Variants in PAX8 observed in about 807,000 individuals in gnomAD.
The protein encoded by PAX8 is paired box 8.
A neutral mutation model predicts 52.4 loss-of-function variants in PAX8; 15 were observed. The observed-to-expected ratio is 0.29, with a 90% CI of 0.19 to 0.44. The LOEUF (loss-of-function observed/expected upper bound fraction) is 0.44, where lower values mean the gene tolerates loss of function less well. PAX8 is among the 20% of genes least tolerant of loss of function. The pLI, the probability that PAX8 is intolerant of heterozygous loss-of-function variation, is 1.00. For synonymous variants in PAX8, 284 were observed against 249.7 expected (o/e 1.14, Z -1.29); for missense variants, 554 against 602.5 (o/e 0.92, Z 0.84).
chr2:113,272,826 C>A (rs1210730376), intron 2 of PAX8: 1 of 152,158 alleles, frequency 6.6e-6, no homozygotes, highest in Non-Finnish European at 1.5e-5. Context: ...GAGAAGATAA[C>A]GTGAGGGCAT....
intron 2 of PAX8, chr2:113,275,040 G>A (rs1693704125): frequency 6.6e-6 from 1 of 152,056 alleles, no homozygotes; most frequent in Non-Finnish European, 1.5e-5. Context: ...TTTTTATTTG[G>A]TTTCCTTCAC....
intron 11 of PAX8, among the ~76,000 whole-genome samples, chr2:113,218,999 G>T (rs1233960145): frequency 3.3e-5 from 5 of 152,204 alleles, no homozygotes; most frequent in African/African-American, 1.2e-4. Flanking sequence ...TCTTTCTTAA[G>T]ACCCAGGGAG....
chr2:113,259,505 TG>T (rs1364706088), intron 2 of PAX8: 2 of 152,756 alleles, frequency 1.3e-5, no homozygotes, highest in African/African-American at 4.8e-5. Context: ...AGGCGTGCTT[TG>T]CAGTGGGTAG....
intron 7 of PAX8, 72 bp downstream of exon 7, chr2:113,241,479 A>G: frequency 6.9e-7 from 1 of 1,441,420 alleles, no homozygotes; most frequent in Non-Finnish European, 9.5e-7. Flanking sequence ...GATGGAGCAC[A>G]GGCTCATTTG....
intron 10 of PAX8, chr2:113,226,464 G>T: frequency 2.0e-6 from 2 of 988,382 alleles, no homozygotes; most frequent in Non-Finnish European, 2.4e-6. Flanking sequence ...TTGTCATCTT[G>T]AATCATCATT....
chr2:113,236,625 G>A lies in PAX8; in HGVS notation c.874C>T (p.His292Tyr), dbSNP rs1040291767. ...NTPLGRNLSTHQTYPVVADPH... is the reference protein window; with the variant it reads ...NTPLGRNLSTYQTYPVVADPH... Reference sequence around the variant, plus strand: ...CCTGCCACCACGGGGTAGGTCTGGTGAGTCGAGAGGTTGCGCCCCAGTGGC... The same window carrying A: ...CCTGCCACCACGGGGTAGGTCTGGTAAGTCGAGAGGTTGCGCCCCAGTGGC... The change falls in exon 8 of 12, where the codon CAC becomes TAC. Residue 292 changes from histidine to tyrosine, a missense_variant. Transcript: ENST00000429538. 1 of 1,590,068 alleles carries A rather than the reference G, an allele frequency of 6.3e-7. No homozygotes were observed. The highest frequency in any genetic ancestry group is 8.6e-7 in the Non-Finnish European group (1 of 1,168,922).
chr2:113,249,531 C>G (rs537210981), intron 2 of PAX8, among the ~76,000 whole-genome samples: 20 of 152,020 alleles, frequency 1.3e-4, no homozygotes, highest in African/African-American at 4.1e-4. Flanking sequence ...AAATGTGAAG[C>G]AGGTTTAAAA....
intron 10 of PAX8, among the ~76,000 whole-genome samples, chr2:113,221,011 C>T (rs751005461): frequency 3.9e-5 from 6 of 152,140 alleles, no homozygotes; most frequent in African/African-American, 9.7e-5. Context: ...CAGCTACTAC[C>T]GGTGCTTGGT....
intron 2 of PAX8, chr2:113,269,260 G>A (rs2104594390): frequency 6.6e-6 from 1 of 152,386 alleles, no homozygotes; most frequent in Non-Finnish European, 1.5e-5. Flanking sequence ...CCCCAGTGTA[G>A]ACCGTCATGG....
chr2:113,245,209 G>T (rs1378930508), intron 3 of PAX8, among the ~76,000 whole-genome samples: 1 of 151,956 alleles, frequency 6.6e-6, no homozygotes, highest in African/African-American at 2.4e-5. Flanking sequence ...ACCACACCCG[G>T]CTAATTTTTG....
At chr2:113,272,379 C>A (rs555851912) in intron 2 of PAX8, 1 of 152,148 alleles carries the variant, frequency 6.6e-6, no homozygotes, top group African/African-American at 2.4e-5. Flanking sequence ...ATCTGGCCAA[C>A]GAAGGGGTCT....
chr2:113,236,394 C>A (rs1311505543), intron 8 of PAX8: 2 of 439,284 alleles, frequency 4.6e-6, no homozygotes, highest in Non-Finnish European at 4.0e-6. Flanking sequence ...ACCTTGAGGC[C>A]CGGCCTAGGA....
At chr2:113,233,929 GTCTGAC>G (rs1690072546) in intron 9 of PAX8, among the ~76,000 whole-genome samples, 1 of 152,202 alleles carries the variant, frequency 6.6e-6, no homozygotes, top group African/African-American at 2.4e-5. Flanking sequence ...CAGATGGACT[GTCTGAC>G]TCTGGGCTGC....
intron 2 of PAX8, chr2:113,275,202 A>G (rs963138139): frequency 3.9e-5 from 6 of 152,224 alleles, no homozygotes; most frequent in African/African-American, 1.4e-4. Context: ...ACTTCTTATC[A>G]ATCAGTGGGG....
In PAX8 at chr2:113,235,489, T is replaced by C. The variant is rs772564615; in HGVS notation, c.992A>G (p.Asp331Gly). ...GACCCCGGAGCCGACTTGCTGCAGA[T>C]CCAAAAAGGCGGAGCTAGATAAAGA... ...PSSLSSSAFL[D>G]LQQVGSGVPP... Residue 331 changes from aspartate to glycine, a missense_variant, in exon 9 of 12, where the codon GAT becomes GGT. Asp to Gly is a moderately conservative substitution (Grantham distance 94). This residue lies in a region of PAX8 where 445 missense variants were observed against 409.9 expected (regional missense o/e 1.09). Coordinates refer to ENST00000429538, the MANE Select transcript of PAX8 (RefSeq NM_003466.4). 6.2e-7 allele frequency: 1 copy of C among 1,613,662 alleles called. No homozygotes were observed. The highest frequency in any genetic ancestry group is 1.1e-5 in the South Asian group (1 of 91,048).
chr2:113,260,850 G>GCCCTAA (rs1692614590), intron 2 of PAX8, among the ~76,000 whole-genome samples: 1 of 151,272 alleles, frequency 6.6e-6, no homozygotes, highest in Non-Finnish European at 1.5e-5. Context: ...ATTAGGGCAC[G>GCCCTAA]TTTAGAGAGA....
intron 2 of PAX8, among the ~76,000 whole-genome samples, chr2:113,264,376 C>T (rs564388803): frequency 6.6e-6 from 1 of 152,346 alleles, no homozygotes; most frequent in South Asian, 2.1e-4. Context: ...TTCTCAGTTC[C>T]CTCATTGCCA....
At chr2:113,256,870 A>C (rs894113818) in intron 2 of PAX8, among the ~76,000 whole-genome samples, 3 of 152,136 alleles carry the variant, frequency 2.0e-5, no homozygotes, top group African/African-American at 7.2e-5. Context: ...AAGTGTGCCA[A>C]GTGATCTAAA....
intron 5 of PAX8, 42 bp downstream of exon 5, chr2:113,242,648 G>T: frequency 7.5e-7 from 1 of 1,328,658 alleles, no homozygotes; most frequent in Non-Finnish European, 1.1e-6. Flanking sequence ...AAGGGGAGGT[G>T]TACACGAGCA....
Sources: gnomAD v4.1 joint callset for allele counts (sites outside exome capture counted in the v4.1 genomes callset) on GRCh38, gnomAD v4.1.1 for gene constraint, gnomAD v4.1.1 regional missense constraint, MANE v1.5 for transcripts, NCBI Gene and HGNC (gene_info 2026-07-23, HGNC 2026-07-21) for gene names.